Variants in SLC25A18 observed in about 807,000 individuals in gnomAD.
SLC25A18 encodes the protein mitochondrial glutamate carrier 2.
Under a neutral mutation model 31.1 loss-of-function variants are expected in SLC25A18, and 24 were observed. That is an observed-to-expected ratio of 0.77 (90% CI 0.56 to 1.08). The LOEUF is 1.08. SLC25A18 is among the 50% of genes least tolerant of loss of function. SLC25A18 has a pLI of 0.00. For synonymous variants in SLC25A18, 173 were observed against 161.9 expected, an observed-to-expected ratio of 1.07 and a Z score of -0.52; for missense variants, 371 against 418.5, an observed-to-expected ratio of 0.89 and a Z score of 0.99.
chr22:17,587,790 G>C, intron 8 of SLC25A18, 135 bp from the exon 9 acceptor site: 1 of 1,074,316 alleles, frequency 9.3e-7, no homozygotes. Context: ...CGCTCACGGG[G>C]CACAAAAGAA....
In SLC25A18 at chr22:17,583,550, A is replaced by G. The variant is rs748457182; in HGVS notation, c.409+16A>G. On this transcript the variant is annotated intron_variant, in intron 7 of 10. Transcript: ENST00000327451. ...GGACGCCTGGGTGAGGCCTGTCCCC[A>G]CCTCCTATGGGAACAGTAAAGGGCT... The G allele has an allele frequency of 3.7e-6, 6 of 1,611,806 alleles. No individual in the cohort carries two copies. The highest frequency in any genetic ancestry group is 5.1e-6 in the Non-Finnish European group (6 of 1,179,730).
chr22:17,574,438 AC>A (rs1601286825), intron 2 of SLC25A18, among the ~76,000 whole-genome samples: 1 of 147,076 alleles, frequency 6.8e-6, no homozygotes, highest in Admixed American at 6.8e-5. Context: ...TGTTCCCTGA[AC>A]CCTCTGCTCA....
At chr22:17,583,174 G>A (rs1302131038) in intron 6 of SLC25A18, among the ~76,000 whole-genome samples, 1 of 152,228 alleles carries the variant, frequency 6.6e-6, no homozygotes, top group Non-Finnish European at 1.5e-5. Context: ...CCTGGTCTGG[G>A]TAGTTTTCTC....
rs2057327710 is a variant in SLC25A18, at chr22:17,579,927, A to AT, written c.-17dup. 1 of 1,608,606 alleles carries AT rather than the reference A, an allele frequency of 6.2e-7. No homozygotes were observed. Among genetic ancestry groups the AT allele is most frequent in the African/African-American group, 1.3e-5 (1 of 75,006 alleles). The stretch of plus-strand genomic sequence containing the variant: ...GGAGCCAGCAGCCTTGTGTCCTGGG[A>AT]TCCCCAGCCCCTGCAGAATGACCCA... On this transcript the variant is annotated 5_prime_UTR_variant, in exon 3 of 11. Transcript: ENST00000327451.
At chr22:17,580,612 C>G (rs1245995984) in intron 3 of SLC25A18, 2 of 996,126 alleles carry the variant, frequency 2.0e-6, no homozygotes, top group Non-Finnish European at 2.4e-6. Context: ...GACGGGAATG[C>G]AGGCCCAGAG....
At chr22:17,583,206 T>C (rs1156657157) in intron 6 of SLC25A18, among the ~76,000 whole-genome samples, 1 of 152,212 alleles carries the variant, frequency 6.6e-6, no homozygotes, top group African/African-American at 2.4e-5. Flanking sequence ...TCAGCTTCCA[T>C]GCGGTGCTAC....
chr22:17,589,982 G>C, intron 10 of SLC25A18, 113 bp from the exon 11 acceptor site: 1 of 1,446,662 alleles, frequency 6.9e-7, no homozygotes, highest in Non-Finnish European at 9.4e-7. Flanking sequence ...TCTTGCTCTT[G>C]TTGTGGAAGG....
At chr22:17,587,838 A>G (rs1335064115) in intron 8 of SLC25A18, 87 bp from the exon 9 acceptor site, 2 of 1,550,582 alleles carry the variant, frequency 1.3e-6, no homozygotes, top group Non-Finnish European at 1.8e-6. Context: ...TGTAAGCCCC[A>G]CAGCTCACAG....
intron 7 of SLC25A18, among the ~76,000 whole-genome samples, 189 bp from the exon 8 acceptor site, chr22:17,586,947 T>G (rs772698104): frequency 9.2e-5 from 14 of 152,148 alleles, no homozygotes; most frequent in Non-Finnish European, 1.3e-4. Context: ...TGAGATACTG[T>G]AGACCTTAGG....
chr22:17,580,913 C>CT, intron 3 of SLC25A18, 124 bp from the exon 4 acceptor site: 1 of 1,442,692 alleles, frequency 6.9e-7, no homozygotes, highest in Non-Finnish European at 9.1e-7. Context: ...TGAAGAGGGT[C>CT]TCTGGACACC....
At chr22:17,584,160 G>C in intron 7 of SLC25A18, 1 of 730,508 alleles carries the variant, frequency 1.4e-6, no homozygotes, top group Admixed American at 6.3e-5. Context: ...TTGGGAGGCC[G>C]AGGCGGGCGG....
chr22:17,563,604 T>C lies in SLC25A18; in HGVS notation c.-373T>C. On this transcript the variant is annotated 5_prime_UTR_variant, in exon 1 of 11. Transcript: ENST00000327451. Reference sequence around the variant, plus strand: ...CAGTTCCTTGGATATATCCACGGGCTTTGCTTTGAGAAGGAACTGAGTAGG... The same window carrying C: ...CAGTTCCTTGGATATATCCACGGGCCTTGCTTTGAGAAGGAACTGAGTAGG... 1 of 932,932 alleles carries C rather than the reference T, an allele frequency of 1.1e-6. No individual in the cohort carries two copies. The highest frequency in any genetic ancestry group is 1.3e-6 in the Non-Finnish European group (1 of 782,012). 57.8% of individuals were successfully genotyped at this position (932,932 alleles called of 1,614,324 possible). A position where few individuals can be genotyped will look rare whatever the true frequency, so the allele number is the denominator to read the frequency against.
intron 8 of SLC25A18, 103 bp downstream of exon 8, chr22:17,587,404 C>G: frequency 7.1e-7 from 1 of 1,404,072 alleles, no homozygotes; most frequent in African/African-American, 1.4e-5. Context: ...CCAGAATATC[C>G]AAACCCAGGT....
intron 1 of SLC25A18, among the ~76,000 whole-genome samples, chr22:17,564,652 G>A (rs1378023372): frequency 6.6e-6 from 1 of 152,084 alleles, no homozygotes; most frequent in African/African-American, 2.4e-5. Context: ...ACGAGGTCAA[G>A]AGATGGAGAC....
chr22:17,580,959 C>T, intron 3 of SLC25A18, 78 bp from the exon 4 acceptor site: 1 of 1,483,848 alleles, frequency 6.7e-7, no homozygotes, highest in Non-Finnish European at 9.0e-7. Flanking sequence ...TGTGCCCCTG[C>T]CCATTCCTGG....
chr22:17,581,320 C>T (rs2057367407), intron 4 of SLC25A18, 38 bp from the exon 5 acceptor site: 1 of 1,612,552 alleles, frequency 6.2e-7, no homozygotes, highest in Non-Finnish European at 8.5e-7. Context: ...CTGGGAGGCC[C>T]GCTGCACACT....
At chr22:17,583,209 G>C (rs963884909) in intron 6 of SLC25A18, among the ~76,000 whole-genome samples, 2 of 152,312 alleles carry the variant, frequency 1.3e-5, no homozygotes, top group African/African-American at 2.4e-5. Context: ...GCTTCCATGC[G>C]GTGCTACCTC....
At chr22:17,569,753 T>C (rs2057038658) in intron 1 of SLC25A18, 171 bp from the exon 2 acceptor site, 2 of 985,196 alleles carry the variant, frequency 2.0e-6, no homozygotes, top group Non-Finnish European at 2.4e-6. Context: ...CTTGACTGGA[T>C]AGTAGCCTCT....
At chr22:17,581,622 C>A in intron 5 of SLC25A18, 1 of 568,552 alleles carries the variant, frequency 1.8e-6, no homozygotes, top group Non-Finnish European at 3.1e-6. Context: ...CCCCCGCCAC[C>A]GCCTCAGTAA....
Sources: gnomAD v4.1 joint callset for allele counts (sites outside exome capture counted in the v4.1 genomes callset) on GRCh38, gnomAD v4.1.1 for gene constraint, MANE v1.5 for transcripts, NCBI Gene and HGNC (gene_info 2026-07-23, HGNC 2026-07-21) for gene names.